The following CCDC138 variants were observed in gnomAD, a reference collection of about 807,000 sequenced individuals.
CCDC138 encodes coiled-coil domain-containing protein 138.
In CCDC138, 66 loss-of-function variants were observed where a neutral mutation model predicts 82.3. The observed-to-expected ratio is 0.80, with a 90% CI of 0.66 to 0.98. The LOEUF is 0.98. CCDC138 is among the 50% of genes least tolerant of loss of function. The pLI is 0.00. For synonymous variants in CCDC138, 297 were observed against 265.4 expected, an observed-to-expected ratio of 1.12 and a Z score of -1.16; for missense variants, 816 against 758.9, an observed-to-expected ratio of 1.08 and a Z score of -0.88.
At chr2:108,869,711 C>T (rs1694951032) in intron 13 of CCDC138, among the ~76,000 whole-genome samples, 1 of 152,144 alleles carries the variant, frequency 6.6e-6, no homozygotes, top group African/African-American at 2.4e-5. Context: ...AAACAGCATA[C>T]ACAGGCCCAG....
intron 13 of CCDC138, among the ~76,000 whole-genome samples, chr2:108,863,631 A>AT (rs1246931493): frequency 7.9e-5 from 12 of 152,212 alleles, no homozygotes; most frequent in African/African-American, 2.9e-4. Flanking sequence ...GAGCTTTTAA[A>AT]TATATTTCTA....
In CCDC138 at chr2:108,848,747, A is replaced by G. The variant is rs188820600; in HGVS notation, c.1516+1817A>G. On this transcript the variant is annotated intron_variant, in intron 12 of 14. Transcript: ENST00000295124. ...TAGCCAACTTTAAAACAATCCTAAT[A>G]TGTAATGATACAAAATGAGTAATAA... Among the ~76,000 whole-genome samples, 13 of 152,324 alleles carry G rather than the reference A, an allele frequency of 8.5e-5. No homozygotes were observed. The East Asian group carries it at 2.5e-3, about 29-fold the overall frequency.
chr2:108,816,663 A>G (rs1298742508), intron 10 of CCDC138, among the ~76,000 whole-genome samples: 1 of 152,112 alleles, frequency 6.6e-6, no homozygotes, highest in Non-Finnish European at 1.5e-5. Flanking sequence ...TGCTTTCATG[A>G]GGGCATCCCT....
Position 108,846,890 on chromosome 2 carries a change from A to G in CCDC138, c.1476A>G (p.Arg492=). 1.9e-6 allele frequency: 3 copies of G among 1,613,068 alleles called. No homozygotes were observed. The highest frequency in any genetic ancestry group is 1.1e-5 in the South Asian group (1 of 91,042). ...AFFKSSNLPL[R]FLSTLIVLKT... ...TTAAGAGCTCCAATTTGCCATTGAG[A>G]TTTTTATCAACCTTAATTGTTCTCA... Residue 492 remains arginine (R), a synonymous_variant, in exon 12 of 15, where the codon AGA becomes AGG. Coordinates refer to ENST00000295124, the MANE Select transcript of CCDC138 (RefSeq NM_144978.3).
chr2:108,810,191 T>C (rs1429192428), intron 7 of CCDC138, among the ~76,000 whole-genome samples: 1 of 152,120 alleles, frequency 6.6e-6, no homozygotes, highest in African/African-American at 2.4e-5. Flanking sequence ...TCAACAAGAG[T>C]GGTGAGAATG....
intron 7 of CCDC138, among the ~76,000 whole-genome samples, chr2:108,806,224 G>A (rs1329015045): frequency 2.6e-5 from 4 of 152,102 alleles, no homozygotes; most frequent in African/African-American, 9.7e-5. Context: ...CTTTATCCAT[G>A]GAGAGATTGC....
intron 3 of CCDC138, among the ~76,000 whole-genome samples, chr2:108,789,482 G>T (rs1210140355): frequency 6.6e-6 from 1 of 152,110 alleles, no homozygotes; most frequent in Non-Finnish European, 1.5e-5. Flanking sequence ...GAATCTCAGC[G>T]ACTTGAGAGG....
chr2:108,864,725 C>T (rs1282690618), intron 13 of CCDC138, among the ~76,000 whole-genome samples: 3 of 146,710 alleles, frequency 2.0e-5, no homozygotes, highest in Admixed American at 7.1e-5. Context: ...ACCCAGGAGG[C>T]GGAGGTTGCA....
intron 2 of CCDC138, chr2:108,884,612 A>C (rs113451297): frequency 2.0e-5 from 3 of 152,198 alleles, no homozygotes; most frequent in African/African-American, 7.2e-5. Flanking sequence ...AAAGCTCCAC[A>C]TAATAAACAT....
intron 13 of CCDC138, 94 bp downstream of exon 13, chr2:108,857,064 TG>T: frequency 3.5e-6 from 1 of 282,014 alleles, no homozygotes; most frequent in South Asian, 7.4e-5. Flanking sequence ...CAGATACTAT[TG>T]CTTTTTTTTT....
intron 12 of CCDC138, among the ~76,000 whole-genome samples, chr2:108,849,625 C>A (rs78921898): frequency 0.027 from 4,083 of 152,192 alleles, 169 homozygotes; most frequent in African/African-American, 0.094. Flanking sequence ...CTAACAGATA[C>A]CCTTTAAAGC....
At chr2:108,869,077 C>CT (rs1694858431) in intron 13 of CCDC138, among the ~76,000 whole-genome samples, 3 of 151,794 alleles carry the variant, frequency 2.0e-5, no homozygotes, top group Non-Finnish European at 4.4e-5. Flanking sequence ...ATTGTACATG[C>CT]TCAAGCAGAG....
Position 108,881,691 on chromosome 2 carries a change from T to C in CCDC138, c.44-980T>C, listed in dbSNP as rs116092517. ...AGGTTATTAATTGGCCTAATTTCAG[T>C]ATTGTTATGTCTCAGGAAATGAAGA... is the stretch of plus-strand genomic sequence containing the variant. On this transcript the variant is annotated intron_variant, in intron 1 of 2. Coordinates refer to the CCDC138 transcript ENST00000608781. Among the ~76,000 whole-genome samples, 755 of 152,278 alleles carry C rather than the reference T, an allele frequency of 5.0e-3. 8 individuals carry two copies. The highest frequency in any genetic ancestry group is 0.017 in the African/African-American group (718 of 41,544).
At chr2:108,814,781 G>A (rs1022375002) in intron 9 of CCDC138, among the ~76,000 whole-genome samples, 2 of 150,722 alleles carry the variant, frequency 1.3e-5, no homozygotes, top group African/African-American at 2.4e-5. Flanking sequence ...GATTACAGGC[G>A]CCCACCACCA....
intron 10 of CCDC138, among the ~76,000 whole-genome samples, chr2:108,837,557 CTT>C (rs1688779023): frequency 6.6e-6 from 1 of 152,154 alleles, no homozygotes; most frequent in African/African-American, 2.4e-5. Context: ...TTTCCTGTCA[CTT>C]TGTGACATCA....
Position 108,841,886 on chromosome 2 carries a change from T to C in CCDC138, c.1323+2585T>C, listed in dbSNP as rs573492526. 6.6e-5 allele frequency among the ~76,000 whole-genome samples: 10 copies of C among 152,306 alleles called. No homozygotes were observed. In the East Asian group the frequency reaches 1.7e-3, roughly 26 times the overall value. On this transcript the variant is annotated intron_variant, in intron 11 of 14. Transcript: ENST00000295124. The stretch of plus-strand genomic sequence containing the variant: ...TTTAGAATTTTATTTTCCTTTATAG[T>C]GTATTGAGTGTATCTCTTTGTATAA...
intron 14 of CCDC138, among the ~76,000 whole-genome samples, chr2:108,874,503 A>G (rs994191524): frequency 2.6e-5 from 4 of 152,184 alleles, no homozygotes; most frequent in African/African-American, 9.7e-5. Context: ...TTTGTATAAC[A>G]GTAACATTTT....
intron 10 of CCDC138, among the ~76,000 whole-genome samples, chr2:108,816,706 T>A (rs910246833): frequency 2.6e-5 from 4 of 152,114 alleles, no homozygotes; most frequent in African/African-American, 9.7e-5. Context: ...TAAAAAGCTT[T>A]TGTGTTAGAG....
At chr2:108,835,725 A>G (rs961709406) in intron 10 of CCDC138, among the ~76,000 whole-genome samples, 2 of 152,208 alleles carry the variant, frequency 1.3e-5, no homozygotes, top group African/African-American at 2.4e-5. Context: ...TTGTCCTTCA[A>G]CAGCTCTCCA....
Sources: gnomAD v4.1 joint callset for allele counts (sites outside exome capture counted in the v4.1 genomes callset) on GRCh38, gnomAD v4.1.1 for gene constraint, MANE v1.5 for transcripts, NCBI Gene and HGNC (gene_info 2026-07-23, HGNC 2026-07-21) for gene names.